The following CFAP45 variants were observed in gnomAD, a reference collection of about 807,000 sequenced individuals.
CFAP45 encodes the protein cilia- and flagella-associated protein 45.
CFAP45 carries 43 observed loss-of-function variants against 75.6 expected under a neutral mutation model. The observed-to-expected ratio is 0.57, with a 90% CI of 0.45 to 0.73. CFAP45 has a LOEUF of 0.73. Among genes scored for constraint, CFAP45 ranks in the 30% least tolerant of loss-of-function variants. The pLI is 0.00. For synonymous variants in CFAP45, 223 were observed against 244.6 expected (o/e 0.91, Z 0.82); for missense variants, 689 against 701.5 (o/e 0.98, Z 0.20).
At chr1:159,881,272 C>T (rs1022546825) in intron 7 of CFAP45, among the ~76,000 whole-genome samples, 4 of 152,212 alleles carry the variant, frequency 2.6e-5, no homozygotes, top group Admixed American at 6.5e-5. Flanking sequence ...ACTTCCCCAC[C>T]GGCCACACAG....
Position 159,900,156 on chromosome 1 carries a change from C to T in CFAP45, c.-58G>A. 6.2e-7 allele frequency: 1 copy of T among 1,612,916 alleles called. No homozygotes were observed. Among genetic ancestry groups the T allele is most frequent in the Non-Finnish European group, 8.5e-7 (1 of 1,179,194 alleles). On this transcript the variant is annotated 5_prime_UTR_variant, in exon 1 of 12. Transcript: ENST00000368099. ...TGCTGCCGCCTCGGCGCCGCCAAGG[C>T]CCTAGTGTTGACGCGTTACCTTGGC...
At chr1:159,883,242 G>T (rs907577714) in intron 7 of CFAP45, among the ~76,000 whole-genome samples, 1 of 152,080 alleles carries the variant, frequency 6.6e-6, no homozygotes, top group African/African-American at 2.4e-5. Flanking sequence ...AAAGGCAACT[G>T]GCCTAGATGC....
Position 159,890,575 on chromosome 1 carries a change from A to G in CFAP45, c.177T>C (p.Asp59=). 3.1e-6 allele frequency: 5 copies of G among 1,614,064 alleles called. No homozygotes were observed. Among genetic ancestry groups the G allele is most frequent in the Non-Finnish European group, 4.2e-6 (5 of 1,179,980 alleles). The change falls in exon 3 of 12, where the codon GAT becomes GAC. Residue 59 remains aspartate (D), a synonymous_variant. Coordinates refer to ENST00000368099, the MANE Select transcript of CFAP45 (RefSeq NM_012337.3). Reference sequence around the variant, plus strand: ...TGAGAGTTTTTTGAAGGGTATGCTTATCTCGGAGCAGCACAATGGGGCTGT... The same window carrying G: ...TGAGAGTTTTTTGAAGGGTATGCTTGTCTCGGAGCAGCACAATGGGGCTGT... ...QSDSPIVLLR[D]KHTLQKTLTA...
chr1:159,881,098 AC>A (rs759910706), intron 7 of CFAP45, among the ~76,000 whole-genome samples: 9 of 152,196 alleles, frequency 5.9e-5, no homozygotes, highest in Non-Finnish European at 1.0e-4. Flanking sequence ...GTCAATAGTG[AC>A]GACTGAAATA....
At chr1:159,873,209 T>G (rs1210076064) in intron 10 of CFAP45, 41 bp from the exon 11 acceptor site, 1 of 1,581,704 alleles carries the variant, frequency 6.3e-7, no homozygotes, top group African/African-American at 1.3e-5. Context: ...TCAGCTGAGC[T>G]GGCCCAGGCC....
In CFAP45 at chr1:159,880,556, T is replaced by C. The variant is rs1447522245; in HGVS notation, c.1042A>G (p.Met348Val). ...QMVMEFTKKK[M>V]AREAEFEAEQ... is the part of the protein sequence containing the mutation. ...GGTCCCAGAAACCAAGTCCCTACCATCTTCTTCTTGGTAAACTCCATCACC... is the reference window on the plus strand; with the variant it reads ...GGTCCCAGAAACCAAGTCCCTACCACCTTCTTCTTGGTAAACTCCATCACC... The change falls in exon 8 of 12, where the codon ATG becomes GTG. Residue 348 changes from methionine (M) to valine (V), a missense_variant and splice_region_variant. Coordinates refer to ENST00000368099, the MANE Select transcript of CFAP45 (RefSeq NM_012337.3). 2 of 1,612,258 alleles carry C rather than the reference T, an allele frequency of 1.2e-6. No individual in the cohort carries two copies. Among genetic ancestry groups the C allele is most frequent in the East Asian group, 4.5e-5 (2 of 44,812 alleles).
Position 159,883,858 on chromosome 1 carries a change from C to G in CFAP45, c.897+578G>C, listed in dbSNP as rs538496232. ...TGCTAAAGGGTTTTATACATTGTTA[C>G]AGCCCAGAGAAGGCATACAGAAGAT... is the stretch of plus-strand genomic sequence containing the variant. On this transcript the variant is annotated intron_variant, in intron 7 of 11. Transcript: ENST00000368099. Among the ~76,000 whole-genome samples the G allele has an allele frequency of 1.9e-3, 292 of 152,206 alleles. 1 individual carries two copies. The highest frequency in any genetic ancestry group is 3.1e-3 in the Non-Finnish European group (208 of 68,010).
In CFAP45 at chr1:159,877,331, T is replaced by C; in HGVS notation, c.1158+18A>G. The C allele has an allele frequency of 6.5e-7, 1 of 1,537,544 alleles. No homozygotes were observed. The highest frequency in any genetic ancestry group is 9.0e-7 in the Non-Finnish European group (1 of 1,109,874). Reference sequence around the variant, plus strand: ...AGGGAGTGGGAAAAGTAGAGGGAAGTCGAGACTAAGCAGGTACCTGTTCTG... The same window carrying C: ...AGGGAGTGGGAAAAGTAGAGGGAAGCCGAGACTAAGCAGGTACCTGTTCTG... On this transcript the variant is annotated intron_variant, in intron 9 of 11. Transcript: ENST00000368099.
chr1:159,893,371 C>A (rs1280149055), intron 1 of CFAP45, 66 bp from the exon 2 acceptor site: 8 of 1,524,202 alleles, frequency 5.2e-6, no homozygotes, highest in Non-Finnish European at 7.3e-6. Context: ...GGGAAGTCAA[C>A]AATTCACCAG....
chr1:159,890,663 C>T (rs747508179), intron 2 of CFAP45, 41 bp from the exon 3 acceptor site: 5 of 1,603,762 alleles, frequency 3.1e-6, no homozygotes, highest in African/African-American at 1.3e-5. Flanking sequence ...TTGTCACCCC[C>T]ACTTCCTGCT....
rs144487889 is a variant in CFAP45 at position 159,880,838 on chromosome 1, T to C, written c.898-138A>G. The C allele has an allele frequency of 6.5e-4, 470 of 726,506 alleles. 6 individuals are homozygous for C. In the East Asian group the frequency reaches 0.013, roughly 20 times the overall value. 45.0% of individuals were successfully genotyped at this position (726,506 alleles called of 1,614,324 possible). A position where few individuals can be genotyped will look rare whatever the true frequency, so the allele number is the denominator to read the frequency against. On this transcript the variant is annotated intron_variant, in intron 7 of 11. Transcript: ENST00000368099. The stretch of plus-strand genomic sequence containing the variant: ...TCTAGTGTCCACAACTATCCTTTGT[T>C]AAAGCTGTTTTTTCAAGGGTCATAA...
chr1:159,884,799 G>GGT (rs1649637148), intron 6 of CFAP45, among the ~76,000 whole-genome samples: 1 of 152,134 alleles, frequency 6.6e-6, no homozygotes, highest in Non-Finnish European at 1.5e-5. Flanking sequence ...CTCTTCCTGA[G>GGT]ATTCTCCTTC....
intron 6 of CFAP45, 73 bp from the exon 7 acceptor site, chr1:159,884,638 A>C: frequency 6.8e-7 from 1 of 1,472,406 alleles, no homozygotes; most frequent in East Asian, 2.4e-5. Context: ...CTCCACCTAA[A>C]CAACCCCCAA....
rs566641554 is a variant in CFAP45 at position 159,893,887 on chromosome 1, A to C, written c.4-582T>G. ...TATATATAAATGTATATTAATATAC[A>C]TGTATACAATAATATATATAAATAT... is the stretch of plus-strand genomic sequence containing the variant. On this transcript the variant is annotated intron_variant, in intron 1 of 11. Transcript: ENST00000368099. 9.3e-5 allele frequency among the ~76,000 whole-genome samples: 14 copies of C among 151,122 alleles called. No individual in the cohort carries two copies. The South Asian group carries it at 2.7e-3, about 29-fold the overall frequency.
At chr1:159,888,775 A>C in intron 3 of CFAP45, among the ~76,000 whole-genome samples, 2 of 134,300 alleles carry the variant, frequency 1.5e-5, no homozygotes, top group East Asian at 2.6e-4. Context: ...CATCATGTCC[A>C]CATGTGCCCA....
At chr1:159,889,482 C>T (rs1649776153) in intron 3 of CFAP45, among the ~76,000 whole-genome samples, 2 of 152,172 alleles carry the variant, frequency 1.3e-5, no homozygotes, top group African/African-American at 4.8e-5. Flanking sequence ...TTGTGTTTCA[C>T]AAAGCAACGT....
At chr1:159,878,535 A>G (rs2101842306) in intron 8 of CFAP45, among the ~76,000 whole-genome samples, 1 of 151,892 alleles carries the variant, frequency 6.6e-6, no homozygotes, top group South Asian at 2.1e-4. Flanking sequence ...CAGGCAGATC[A>G]TGACGTAAAG....
intron 1 of CFAP45, among the ~76,000 whole-genome samples, chr1:159,899,154 C>T (rs1464395019): frequency 6.6e-6 from 1 of 152,158 alleles, no homozygotes; most frequent in Admixed American, 6.5e-5. Context: ...TCCTCCCAGG[C>T]TTTGCTGGCC....
In CFAP45 at chr1:159,879,125, T is replaced by C. The variant is rs117279882; in HGVS notation, c.1044+1429A>G. On this transcript the variant is annotated intron_variant, in intron 8 of 11. Coordinates refer to ENST00000368099, the MANE Select transcript of CFAP45 (RefSeq NM_012337.3). ...TCCTTTCCATGATAAAGACAAGATA[T>C]ACTCCTCTCTTGCTTAGAAATTCAT... Among the ~76,000 whole-genome samples, 29 of 152,220 alleles carry C rather than the reference T, an allele frequency of 1.9e-4. No individual in the cohort carries two copies. In the East Asian group the frequency reaches 5.6e-3, roughly 29 times the overall value.
Sources: allele counts gnomAD v4.1 joint callset (sites outside exome capture counted in the v4.1 genomes callset), GRCh38; gene constraint gnomAD v4.1.1; transcripts MANE v1.5; gene names NCBI Gene and HGNC (gene_info 2026-07-23, HGNC 2026-07-21).